Variants in CELSR1 observed in about 807,000 individuals in gnomAD.
The protein encoded by CELSR1 is adhesion G protein-coupled receptor C1.
CELSR1 carries 110 observed loss-of-function variants against 249.1 expected under a neutral mutation model. That is an observed-to-expected ratio of 0.44 (90% CI 0.38 to 0.52). The LOEUF (loss-of-function observed/expected upper bound fraction) is 0.52. Ranked by LOEUF, CELSR1 falls within the 20% of genes least tolerant of loss-of-function variation. CELSR1 has a pLI of 0.00. For missense variants in CELSR1, 4,109 were observed against 4,296.4 expected (o/e 0.96, Z 1.22); for synonymous variants, 2,113 against 1,900.0 (o/e 1.11, Z -2.92).
chr22:46,376,949 T>G (rs1201123581), intron 24 of CELSR1, 112 bp downstream of exon 24: 2 of 1,023,160 alleles, frequency 2.0e-6, no homozygotes, highest in Non-Finnish European at 2.9e-6. Context: ...GAAGCAGAGG[T>G]GGGGGTGGTG....
At position 46,402,772 on chromosome 22, in the gene CELSR1, C is replaced by T. The variant is rs1045847867; in HGVS notation, c.5227-2870G>A. Among the ~76,000 whole-genome samples the T allele has an allele frequency of 2.6e-5, 4 of 152,050 alleles. No homozygotes were observed. The highest frequency in any genetic ancestry group is 6.6e-5 in the Admixed American group (1 of 15,248). ...AGGTGTTACAGAGATAAGGGTCAAA[C>T]GGCCATGTTTAAGTACATGTAAGAA... On this transcript the variant is annotated intron_variant, in intron 9 of 34. Coordinates refer to ENST00000674500, the MANE Select transcript of CELSR1 (RefSeq NM_001378328.1). This position sits in a 1 kb window ranked among gnomAD's most constrained non-coding sequence, Gnocchi z 5.0.
In CELSR1 at chr22:46,394,162, T is replaced by C. The variant is rs1324744003; in HGVS notation, c.5944A>G (p.Asn1982Asp). 1 of 1,613,888 alleles carries C rather than the reference T, an allele frequency of 6.2e-7. No homozygotes were observed. The highest frequency in any genetic ancestry group is 8.5e-7 in the Non-Finnish European group (1 of 1,179,918). ...KGFDPDCNKTNGQCQCKENYY... is the reference protein window; with the variant it reads ...KGFDPDCNKTDGQCQCKENYY... Reference sequence around the variant, plus strand: ...CTCACCTTGCATTGGCACTGGCCGTTGGTCTTATTACAGTCGGGATCAAAG... The same window carrying C: ...CTCACCTTGCATTGGCACTGGCCGTCGGTCTTATTACAGTCGGGATCAAAG... The change falls in exon 14 of 35, where the codon AAC (asparagine) becomes GAC (aspartate). Residue 1982 changes from asparagine (N) to aspartate (D), a missense_variant. This residue lies in a region of CELSR1 where 1,805 missense variants were observed against 1,831.6 expected (regional missense o/e 0.99). Coordinates refer to ENST00000674500, the MANE Select transcript of CELSR1 (RefSeq NM_001378328.1).
intron 9 of CELSR1, among the ~76,000 whole-genome samples, chr22:46,405,155 T>TC (rs1280300335): frequency 2.0e-4 from 31 of 151,342 alleles, no homozygotes; most frequent in African/African-American, 7.0e-4. Flanking sequence ...TCTATAGAAG[T>TC]CAGCTTATTA....
intron 1 of CELSR1, among the ~76,000 whole-genome samples, chr22:46,510,590 G>A (rs529991911): frequency 5.3e-5 from 8 of 152,292 alleles, no homozygotes; most frequent in African/African-American, 1.9e-4. Context: ...CTTCATCTCG[G>A]CTCACACGCA....
chr22:46,462,087 C>A (rs887568403), intron 2 of CELSR1, among the ~76,000 whole-genome samples: 1 of 152,220 alleles, frequency 6.6e-6, no homozygotes, highest in Non-Finnish European at 1.5e-5. Flanking sequence ...CTGTGGGAGG[C>A]GGGGGTCTCC....
rs1329568343 is a variant in CELSR1, at chr22:46,436,273, T to C, written c.4423A>G (p.Arg1475Gly). 3 of 1,614,036 alleles carry C rather than the reference T, an allele frequency of 1.9e-6. No individual in the cohort carries two copies. Among genetic ancestry groups the C allele is most frequent in the South Asian group, 2.2e-5 (2 of 91,082 alleles). Residue 1475 changes from arginine (R) to glycine (G), a missense_variant, in exon 4 of 35, where the codon AGG becomes GGG. This residue lies in a region of CELSR1 where 453 missense variants were observed against 492.0 expected (regional missense o/e 0.92). Coordinates refer to ENST00000674500, the MANE Select transcript of CELSR1 (RefSeq NM_001378328.1). This position sits in a 1 kb window ranked among gnomAD's most constrained non-coding sequence, Gnocchi z 5.9. Reference sequence around the variant, plus strand: ...CCGTTGTAGAGAAGCAAGCCGTTCCTTTCCTGAGTGGCAAACCTGTGGGGC... The same window carrying C: ...CCGTTGTAGAGAAGCAAGCCGTTCCCTTCCTGAGTGGCAAACCTGTGGGGC... ...TISLTFATQE[R>G]NGLLLYNGRF...
Position 46,409,307 on chromosome 22 carries a change from G to A in CELSR1, c.5060-145C>T. On this transcript the variant is annotated intron_variant, in intron 8 of 34. Transcript: ENST00000674500. The surrounding 1 kb of genome is among the most constrained non-coding windows in gnomAD (Gnocchi z 9.8). ...AGGTGGGTCTGAGCCTCCCCTCTGT[G>A]ACGCATCCAGCCCTCACAGTCAGCC... The A allele has an allele frequency of 3.9e-6, 3 of 776,104 alleles. No homozygotes were observed. In the South Asian group the frequency reaches 6.0e-5, roughly 16 times the overall value. 48.1% of individuals were successfully genotyped at this position (776,104 alleles called of 1,614,324 possible).
chr22:46,367,356 C>T (rs2078797327), intron 28 of CELSR1, among the ~76,000 whole-genome samples: 1 of 152,238 alleles, frequency 6.6e-6, no homozygotes, highest in Non-Finnish European at 1.5e-5. Flanking sequence ...CAGTGAGGGC[C>T]CCGGCTCAGG....
chr22:46,461,780 C>A (rs964997924), intron 2 of CELSR1, among the ~76,000 whole-genome samples: 2 of 152,232 alleles, frequency 1.3e-5, no homozygotes, highest in African/African-American at 4.8e-5. Context: ...CAGGGACCCG[C>A]GGCCACGGCT....
chr22:46,365,561 T>C, intron 31 of CELSR1, 25 bp downstream of exon 31: 1 of 1,567,566 alleles, frequency 6.4e-7, no homozygotes, highest in Non-Finnish European at 8.7e-7. Flanking sequence ...ACCCACGGGG[T>C]CCTCCCCCTC....
chr22:46,515,504 G>A (rs1296823132), intron 1 of CELSR1, among the ~76,000 whole-genome samples: 1 of 152,192 alleles, frequency 6.6e-6, no homozygotes, highest in Non-Finnish European at 1.5e-5. Flanking sequence ...GTGTCTCCAT[G>A]GTGAAGTCAG....
chr22:46,433,419 A>T lies in CELSR1; in HGVS notation c.4585T>A (p.Ser1529Thr). ...PSGVSDGRWH[S>T]VQVQYYNKPN... ...TTGTTGTAGTACTGCACCTGCACAG[A>T]GTGCCACCGCCCGTCACTCACACCA... is the stretch of plus-strand genomic sequence containing the variant. The change falls in exon 5 of 35, where the codon TCT becomes ACT. Residue 1529 changes from serine to threonine, a missense_variant. Physicochemically the swap from Ser to Thr is moderately conservative, Grantham distance 58. This residue lies in a region of CELSR1 where 453 missense variants were observed against 492.0 expected (regional missense o/e 0.92). Coordinates refer to ENST00000674500, the MANE Select transcript of CELSR1 (RefSeq NM_001378328.1). This position sits in a 1 kb window ranked among gnomAD's most constrained non-coding sequence, Gnocchi z 5.7. 6.2e-7 allele frequency: 1 copy of T among 1,613,908 alleles called. No homozygotes were observed. The highest frequency in any genetic ancestry group is 8.5e-7 in the Non-Finnish European group (1 of 1,179,936).
chr22:46,535,602 A>G lies in CELSR1; in HGVS notation c.1569T>C (p.Asp523=). The G allele has an allele frequency of 6.2e-7, 1 of 1,613,380 alleles. No individual in the cohort carries two copies. The highest frequency in any genetic ancestry group is 1.3e-5 in the African/African-American group (1 of 75,028). The change falls in exon 1 of 35, where the codon GAT becomes GAC. Residue 523 remains aspartate, a synonymous_variant. Transcript: ENST00000674500. ...SGILDVINPL[D]FEDVQKYSLS... ...GCGAGTATTTCTGGACATCCTCGAA[A>G]TCCAAGGGGTTGATCACATCCAGGA...
intron 27 of CELSR1, among the ~76,000 whole-genome samples, chr22:46,368,872 C>T (rs372003963): frequency 6.6e-6 from 1 of 152,102 alleles, no homozygotes; most frequent in South Asian, 2.1e-4. Context: ...CCACCCATCT[C>T]CACTCTGGGG....
At position 46,365,569 on chromosome 22, in the gene CELSR1, C is replaced by G. The variant is rs544302683; in HGVS notation, c.8404+17G>C. On this transcript the variant is annotated intron_variant, in intron 31 of 34. Transcript: ENST00000674500. ...AAAAACAACCCACGGGGTCCTCCCC[C>G]TCCAGGGAAGCCATACCAGGGGGAT... 1.9e-6 allele frequency: 3 copies of G among 1,576,154 alleles called. No individual in the cohort carries two copies. Among genetic ancestry groups the G allele is most frequent in the Middle Eastern group, 1.7e-4 (1 of 6,006 alleles).
At chr22:46,426,683 G>C (rs1186882109) in intron 5 of CELSR1, among the ~76,000 whole-genome samples, 1 of 152,182 alleles carries the variant, frequency 6.6e-6, no homozygotes, top group Admixed American at 6.5e-5. Flanking sequence ...CAATGGGATG[G>C]TTTCAAGAGA....
chr22:46,364,355 G>A, intron 33 of CELSR1, 104 bp from the exon 34 acceptor site: 2 of 1,530,248 alleles, frequency 1.3e-6, no homozygotes, highest in Non-Finnish European at 1.8e-6. Context: ...CCTTCCTCCT[G>A]GTTCCCCGGG....
At chr22:46,432,856 C>T (rs910706392) in intron 5 of CELSR1, among the ~76,000 whole-genome samples, 7 of 152,102 alleles carry the variant, frequency 4.6e-5, no homozygotes, top group African/African-American at 1.7e-4. Flanking sequence ...TCCCTGTGTA[C>T]CCCCCGACCC....
Position 46,413,441 on chromosome 22 carries a change from C to A in CELSR1, c.4612-1682G>T, listed in dbSNP as rs887916922. Among the ~76,000 whole-genome samples the A allele has an allele frequency of 6.6e-6, 1 of 152,196 alleles. No individual in the cohort carries two copies. Among genetic ancestry groups the A allele is most frequent in the Non-Finnish European group, 1.5e-5 (1 of 68,028 alleles). Reference sequence around the variant, plus strand: ...TCCTCCCTCTTATCCAATCATCTAACGTGAGTGAGACCCATGACTGTACCT... The same window carrying A: ...TCCTCCCTCTTATCCAATCATCTAAAGTGAGTGAGACCCATGACTGTACCT... On this transcript the variant is annotated intron_variant, in intron 5 of 34. Transcript: ENST00000674500. This position sits in a 1 kb window ranked among gnomAD's most constrained non-coding sequence, Gnocchi z 4.7.
Sources: allele counts gnomAD v4.1 joint callset (sites outside exome capture counted in the v4.1 genomes callset), GRCh38; gene constraint gnomAD v4.1.1; regional missense constraint gnomAD v4.1.1; non-coding constraint Gnocchi (gnomAD v3.1); transcripts MANE v1.5; gene names NCBI Gene and HGNC (gene_info 2026-07-23, HGNC 2026-07-21).